ENTPD3: variants seen among roughly 807,000 people sequenced by gnomAD.
The protein encoded by ENTPD3 is ectonucleoside triphosphate diphosphohydrolase 3.
In ENTPD3, 60 loss-of-function variants were observed where a neutral mutation model predicts 51.2. The observed-to-expected ratio is 1.17, with a 90% CI of 0.95 to 1.45. The LOEUF (loss-of-function observed/expected upper bound fraction) is 1.45, where lower values mean the gene tolerates loss of function less well. Ranked by LOEUF, ENTPD3 falls within the 40% of genes most tolerant of loss-of-function variation. The probability of loss-of-function intolerance (pLI) is 0.00; values close to 1 mark genes in which losing one functional copy is unlikely to be tolerated. For synonymous variants in ENTPD3, 221 were observed against 238.4 expected (o/e 0.93, Z 0.67); for missense variants, 593 against 641.1 (o/e 0.93, Z 0.81).
intron 4 of ENTPD3, among the ~76,000 whole-genome samples, chr3:40,403,669 T>C (rs1955424123): frequency 6.6e-6 from 1 of 151,520 alleles, no homozygotes. Context: ...TTTTTTTTTT[T>C]TGAGATAGGG....
In ENTPD3 at chr3:40,423,059, C is replaced by T. The variant is rs777455766; in HGVS notation, c.1041C>T (p.Cys347=). The T allele has an allele frequency of 3.3e-5, 53 of 1,613,940 alleles. No individual in the cohort carries two copies. The Admixed American group carries it at 8.5e-4, about 26-fold the overall frequency. Residue 347 remains cysteine (C), a synonymous_variant, in exon 8 of 11, where the codon TGC becomes TGT. Transcript: ENST00000301825. ...KVASIFDFKA[C]HDQETCSFDG... ...CTTCCATATTTGACTTCAAAGCTTG[C>T]CATGATCAAGAAACCTGTTCTTTTG...
chr3:40,406,477 T>C (rs13316488), intron 4 of ENTPD3, among the ~76,000 whole-genome samples: 17,529 of 152,162 alleles, frequency 0.12, 2,580 homozygotes, highest in African/African-American at 0.34. Flanking sequence ...TAATACGATA[T>C]GACTTCTGTT....
At chr3:40,414,932 T>C (rs1955711562) in intron 6 of ENTPD3, 92 bp downstream of exon 6, 3 of 1,301,408 alleles carry the variant, frequency 2.3e-6, no homozygotes, top group South Asian at 2.6e-5. Flanking sequence ...CCATCAGGGA[T>C]ATCTGCCCTG....
chr3:40,388,585 GACACACAC>G (rs55657804), intron 2 of ENTPD3, among the ~76,000 whole-genome samples: 2,052 of 126,274 alleles, frequency 0.016, 62 homozygotes, highest in African/African-American at 0.051. Flanking sequence ...CACACACACA[GACACACAC>G]ACACACACAC....
At position 40,414,696 on chromosome 3, in the gene ENTPD3, A is replaced by C; in HGVS notation, c.453A>C (p.Thr151=). ...GMRLLRLQNE[T]AANEVLESIQ... The stretch of plus-strand genomic sequence containing the variant: ...CCTTGTACAGGTTGCAAAATGAAAC[A>C]GCAGCTAATGAAGTCCTTGAAAGCA... Residue 151 remains threonine (T), a synonymous_variant, in exon 6 of 11, where the codon ACA becomes ACC. Coordinates refer to ENST00000301825, the MANE Select transcript of ENTPD3 (RefSeq NM_001248.4). The C allele has an allele frequency of 6.2e-7, 1 of 1,614,108 alleles. No homozygotes were observed.
rs751499090 is a variant in ENTPD3, at chr3:40,400,941, G to T, written c.216G>T (p.Val72=). The stretch of plus-strand genomic sequence containing the variant: ...GGTCTTCAAGAACCACAGTCTACGT[G>T]TATCAATGGCCAGCAGAAAAAGAGA... ...DAGSSRTTVY[V]YQWPAEKENN... is the part of the protein sequence containing the mutation. Residue 72 remains valine (V), a synonymous_variant, in exon 4 of 11, where the codon GTG becomes GTT. Transcript: ENST00000301825. The T allele has an allele frequency of 2.5e-5, 40 of 1,613,700 alleles. No individual in the cohort carries two copies. Among genetic ancestry groups the T allele is most frequent in the Admixed American group, 1.7e-4 (10 of 59,986 alleles).
Position 40,422,920 on chromosome 3 carries a change from G to T in ENTPD3, c.902G>T (p.Gly301Val), listed in dbSNP as rs746466272. The change falls in exon 8 of 11, where the codon GGC becomes GTC. Residue 301 changes from glycine to valine, a missense_variant. Gly to Val is a moderately radical substitution (Grantham distance 109, BLOSUM62 -3). Transcript: ENST00000301825. The part of the protein sequence containing the change: ...PRDYSISFTM[G>V]HVFDSLCTVD... ...GATTATAGCATCAGCTTCACCATGG[G>T]CCATGTATTTGATAGCCTGTGCACT... is the stretch of plus-strand genomic sequence containing the variant. The T allele has an allele frequency of 6.2e-7, 1 of 1,613,946 alleles. No individual in the cohort carries two copies. Among genetic ancestry groups the T allele is most frequent in the Non-Finnish European group, 8.5e-7 (1 of 1,179,968 alleles).
chr3:40,427,284 A>G lies in ENTPD3; in HGVS notation c.1366A>G (p.Ser456Gly), dbSNP rs1230318259. Residue 456 changes from serine to glycine, a missense_variant, in exon 11 of 11, where the codon AGC (serine) becomes GGC (glycine). Coordinates refer to ENST00000301825, the MANE Select transcript of ENTPD3 (RefSeq NM_001248.4). ...IHFEKEVGNS[S>G]IAWSLGYMLS... ...CTCTACTCCACAGGTGGGGAATAGCAGCATAGCCTGGTCTCTTGGCTACAT... is the reference window on the plus strand; with the variant it reads ...CTCTACTCCACAGGTGGGGAATAGCGGCATAGCCTGGTCTCTTGGCTACAT... 3.1e-6 allele frequency: 5 copies of G among 1,613,898 alleles called. No homozygotes were observed. Among genetic ancestry groups the G allele is most frequent in the Non-Finnish European group, 4.2e-6 (5 of 1,179,910 alleles).
chr3:40,392,448 A>G (rs1448283392), intron 3 of ENTPD3: 2 of 313,862 alleles, frequency 6.4e-6, no homozygotes, highest in African/African-American at 4.3e-5. Flanking sequence ...GCTATCAAAG[A>G]TTTACCAGTT....
Position 40,416,217 on chromosome 3 carries a change from G to A in ENTPD3, c.831+144G>A, listed in dbSNP as rs908178640. 1.4e-5 allele frequency: 9 copies of A among 628,224 alleles called. No homozygotes were observed. In the Admixed American group the frequency reaches 2.4e-4, roughly 16 times the overall value. The allele number at this position is 628,224 out of a possible 1,614,324, so 38.9% of individuals were successfully genotyped here. A position where few individuals can be genotyped will look rare whatever the true frequency, so the allele number is the denominator to read the frequency against. ...ACAGCATTTTCCAATTTACTCCTGG[G>A]GGTCCAAGTCCCTTTCCTCTCTGTC... On this transcript the variant is annotated intron_variant, in intron 7 of 10. Coordinates refer to ENST00000301825, the MANE Select transcript of ENTPD3 (RefSeq NM_001248.4).
chr3:40,411,948 G>T lies in ENTPD3; in HGVS notation c.423G>T (p.Gly141=). ...CCATTCACCTGGGAGCCACGGCTGGGATGCGCTTGCTGAGGTAAAGGCTAA... is the reference window on the plus strand; with the variant it reads ...CCATTCACCTGGGAGCCACGGCTGGTATGCGCTTGCTGAGGTAAAGGCTAA... The part of the protein sequence containing the change: ...STPIHLGATA[G]MRLLRLQNET... The change falls in exon 5 of 11, where the codon GGG becomes GGT. Residue 141 remains glycine, a synonymous_variant. Transcript: ENST00000301825. The T allele has an allele frequency of 6.2e-7, 1 of 1,610,834 alleles. No homozygotes were observed. The highest frequency in any genetic ancestry group is 8.5e-7 in the Non-Finnish European group (1 of 1,178,676).
chr3:40,402,111 C>CTTTTTTTTTTTT (rs775322652), intron 4 of ENTPD3, among the ~76,000 whole-genome samples: 55 of 97,192 alleles, frequency 5.7e-4, no homozygotes, highest in South Asian at 6.9e-4. Context: ...ATTTCCTTTC[C>CTTTTTTTTTTTT]TTTTTTTTTT....
chr3:40,419,037 G>T (rs1443911360), intron 7 of ENTPD3, among the ~76,000 whole-genome samples: 3 of 152,048 alleles, frequency 2.0e-5, no homozygotes, highest in Non-Finnish European at 4.4e-5. Context: ...GCCATCACTG[G>T]TCAAAGCTTA....
chr3:40,412,057 C>G, intron 5 of ENTPD3, 95 bp downstream of exon 5: 2 of 1,212,692 alleles, frequency 1.6e-6, no homozygotes, highest in Non-Finnish European at 2.1e-6. Context: ...CTGGGAACAA[C>G]CCTCGCCCCC....
At chr3:40,411,293 AAAAAAAAAAAAAG>A (rs1014685377) in intron 4 of ENTPD3, among the ~76,000 whole-genome samples, 10 of 118,126 alleles carry the variant, frequency 8.5e-5, no homozygotes, top group African/African-American at 3.5e-4. Flanking sequence ...TCTGTCTCAG[AAAAAAAAAAAAAG>A]AAAAAAAGAA....
chr3:40,423,381 T>C lies in ENTPD3; in HGVS notation c.1195T>C (p.Cys399Arg). The C allele has an allele frequency of 6.2e-7, 1 of 1,613,088 alleles. No individual in the cohort carries two copies. The highest frequency in any genetic ancestry group is 8.5e-7 in the Non-Finnish European group (1 of 1,179,064). ...CTTCAACTCCAGCACCTGGAATTTC[T>C]GCTCACAGAATTGGAGTCAGGTCAG... ...DTFNSSTWNFCSQNWSQLPLL... is the reference protein window; with the variant it reads ...DTFNSSTWNFRSQNWSQLPLL... Residue 399 changes from cysteine (C) to arginine (R), a missense_variant, in exon 9 of 11, where the codon TGC (cysteine) becomes CGC (arginine). Coordinates refer to ENST00000301825, the MANE Select transcript of ENTPD3 (RefSeq NM_001248.4).
At position 40,416,093 on chromosome 3, in the gene ENTPD3, G is replaced by T; in HGVS notation, c.831+20G>T. 1 of 1,590,510 alleles carries T rather than the reference G, an allele frequency of 6.3e-7. No homozygotes were observed. The highest frequency in any genetic ancestry group is 1.1e-5 in the South Asian group (1 of 89,716). ...CTGCAGGTACTTGAGTCGGGGGTAG[G>T]GGGTGGCAGGTGTTCTCTTGAGGGT... On this transcript the variant is annotated intron_variant, in intron 7 of 10. Coordinates refer to ENST00000301825, the MANE Select transcript of ENTPD3 (RefSeq NM_001248.4).
intron 10 of ENTPD3, chr3:40,424,633 A>C (rs1955949570): frequency 1.6e-6 from 1 of 640,830 alleles, no homozygotes; most frequent in Non-Finnish European, 2.9e-6. Flanking sequence ...GAATGGTCCA[A>C]AGCTGGAATC....
intron 9 of ENTPD3, 73 bp from the exon 10 acceptor site, chr3:40,423,753 G>C: frequency 6.5e-7 from 1 of 1,537,094 alleles, no homozygotes; most frequent in Non-Finnish European, 8.8e-7. Flanking sequence ...TTTAAAACAT[G>C]ACTTTTAACC....
Sources: allele counts gnomAD v4.1 joint callset (sites outside exome capture counted in the v4.1 genomes callset), GRCh38; gene constraint gnomAD v4.1.1; transcripts MANE v1.5; gene names NCBI Gene and HGNC (gene_info 2026-07-23, HGNC 2026-07-21).